Variants in ZFHX3 observed in about 807,000 individuals in gnomAD.
ZFHX3 encodes zinc finger homeobox 3.
In ZFHX3, 42 loss-of-function variants were observed where a neutral mutation model predicts 279.1. That is an observed-to-expected ratio of 0.15 (90% confidence interval 0.12 to 0.19). The LOEUF (loss-of-function observed/expected upper bound fraction) is 0.19, where lower values mean the gene tolerates loss of function less well. Ranked by LOEUF, ZFHX3 falls within the 10% of genes least tolerant of loss-of-function variation. The pLI is 1.00. For synonymous variants in ZFHX3, 2,293 were observed against 1,957.8 expected, an observed-to-expected ratio of 1.17 and a Z score of -4.52; for missense variants, 4,981 against 4,754.0, an observed-to-expected ratio of 1.05 and a Z score of -1.40.
chr16:72,922,077 C>T (rs2039600507), intron 3 of ZFHX3, among the ~76,000 whole-genome samples: 1 of 152,196 alleles, frequency 6.6e-6, no homozygotes. Flanking sequence ...CCGTGAAGCC[C>T]ACACTCTGCC....
chr16:73,198,097 C>G (rs1195377158), intron 5 of ZFHX3, among the ~76,000 whole-genome samples: 1 of 151,680 alleles, frequency 6.6e-6, no homozygotes, highest in African/African-American at 2.4e-5. Flanking sequence ...GCTGCCATGA[C>G]CGGCTAATTT....
At chr16:73,831,166 G>A (rs138511511) in intron 1 of ZFHX3, among the ~76,000 whole-genome samples, 1 of 152,158 alleles carries the variant, frequency 6.6e-6, no homozygotes, top group Non-Finnish European at 1.5e-5. Context: ...TCACAGCCCT[G>A]GAGAAATGGG....
chr16:73,858,561 C>T (rs1961800282), intron 1 of ZFHX3, among the ~76,000 whole-genome samples: 1 of 152,236 alleles, frequency 6.6e-6, no homozygotes, highest in Non-Finnish European at 1.5e-5. Flanking sequence ...AATATTGCCA[C>T]ACATTGTCTC....
At chr16:73,668,192 T>G (rs533687189) in intron 2 of ZFHX3, among the ~76,000 whole-genome samples, 1 of 152,138 alleles carries the variant, frequency 6.6e-6, no homozygotes, top group African/African-American at 2.4e-5. Context: ...GAAAGGGAAA[T>G]GTACTAGCCA....
intron 1 of ZFHX3, among the ~76,000 whole-genome samples, chr16:73,861,072 G>A (rs367862657): frequency 8.6e-5 from 13 of 150,390 alleles, no homozygotes; most frequent in African/African-American, 2.5e-4. Flanking sequence ...CAAGTAATTC[G>A]CCCACCTCAG....
intron 4 of ZFHX3, among the ~76,000 whole-genome samples, chr16:73,260,463 C>T (rs572519004): frequency 2.3e-4 from 35 of 152,142 alleles, no homozygotes; most frequent in Admixed American, 5.2e-4. Flanking sequence ...CCAGTTGGGA[C>T]CCCTTCATTC....
At chr16:72,964,758 C>T (rs1961752173) in intron 1 of ZFHX3, among the ~76,000 whole-genome samples, 1 of 151,918 alleles carries the variant, frequency 6.6e-6, no homozygotes, top group Non-Finnish European at 1.5e-5. Context: ...CCCATGGGTA[C>T]AGCATCACTT....
intron 1 of ZFHX3, among the ~76,000 whole-genome samples, chr16:73,697,219 T>C (rs919234491): frequency 7.1e-6 from 1 of 141,836 alleles, no homozygotes; most frequent in African/African-American, 2.7e-5. Flanking sequence ...TCTAACCTCT[T>C]TTTTTTTTTT....
At chr16:73,751,407 T>A (rs1305409691) in intron 1 of ZFHX3, among the ~76,000 whole-genome samples, 1 of 152,218 alleles carries the variant, frequency 6.6e-6, no homozygotes, top group Non-Finnish European at 1.5e-5. Context: ...AACCGTGTCA[T>A]CATCCATTCT....
intron 3 of ZFHX3, among the ~76,000 whole-genome samples, chr16:73,327,178 A>T (rs2015707313): frequency 6.6e-6 from 1 of 152,218 alleles, no homozygotes; most frequent in Non-Finnish European, 1.5e-5. Flanking sequence ...CTTTTGGCTT[A>T]CTTGTTCTTG....
chr16:73,686,017 A>G (rs2053078530), intron 1 of ZFHX3, among the ~76,000 whole-genome samples: 1 of 152,240 alleles, frequency 6.6e-6, no homozygotes, highest in African/African-American at 2.4e-5. Context: ...AGTTGTCTTT[A>G]TGTTGAACTT....
At chr16:73,744,665 A>G (rs1237421162) in intron 1 of ZFHX3, among the ~76,000 whole-genome samples, 2 of 152,194 alleles carry the variant, frequency 1.3e-5, no homozygotes, top group African/African-American at 4.8e-5. Flanking sequence ...GGAGCTCTGC[A>G]TAGTCTGGAT....
At chr16:73,479,759 G>A (rs532747793) in intron 2 of ZFHX3, among the ~76,000 whole-genome samples, 48 of 152,354 alleles carry the variant, frequency 3.2e-4, no homozygotes, top group African/African-American at 1.1e-3. Flanking sequence ...GTCCTGGAAA[G>A]CCTCTGGGAG....
chr16:73,480,013 C>T (rs1273479958), intron 2 of ZFHX3, among the ~76,000 whole-genome samples: 1 of 152,178 alleles, frequency 6.6e-6, no homozygotes, highest in East Asian at 1.9e-4. Flanking sequence ...GGACCTGATG[C>T]CGGTTTTGTT....
At chr16:73,628,648 T>C (rs2052440353) in intron 2 of ZFHX3, among the ~76,000 whole-genome samples, 1 of 152,214 alleles carries the variant, frequency 6.6e-6, no homozygotes, top group Admixed American at 6.5e-5. Flanking sequence ...AGCACTTGTG[T>C]CTCTTTTAAT....
At chr16:73,109,580 C>T (rs4238968) in intron 7 of ZFHX3, among the ~76,000 whole-genome samples, 8 of 135,224 alleles carry the variant, frequency 5.9e-5, no homozygotes, top group Admixed American at 3.5e-4. Context: ...AAAAATTTTC[C>T]GGTGCAGTGC....
intron 5 of ZFHX3, among the ~76,000 whole-genome samples, chr16:73,155,593 T>C (rs1042429937): frequency 2.0e-5 from 3 of 152,122 alleles, no homozygotes; most frequent in Admixed American, 2.0e-4. Context: ...GAGGCTGTGG[T>C]GGGTGGATCA....
chr16:73,533,996 T>A (rs1163616738), intron 2 of ZFHX3, among the ~76,000 whole-genome samples: 6 of 152,126 alleles, frequency 3.9e-5, no homozygotes, highest in Non-Finnish European at 8.8e-5. Context: ...GCCAGAGAAA[T>A]CCTTCTGATC....
intron 2 of ZFHX3, chr16:73,554,660 G>C (rs561222777): frequency 2.0e-4 from 31 of 152,248 alleles, no homozygotes; most frequent in African/African-American, 7.2e-4. Context: ...CCTCGGAATG[G>C]GAAGGACTGA....
Sources: gnomAD v4.1 joint callset for allele counts (sites outside exome capture counted in the v4.1 genomes callset) on GRCh38, gnomAD v4.1.1 for gene constraint, MANE v1.5 for transcripts, NCBI Gene and HGNC (gene_info 2026-07-23, HGNC 2026-07-21) for gene names.